Variants in SGCZ observed in about 807,000 individuals in gnomAD.
The protein encoded by SGCZ is sarcoglycan zeta.
In SGCZ, 40 loss-of-function variants were observed where a neutral mutation model predicts 41.3. That is an observed-to-expected ratio of 0.97 (90% CI 0.75 to 1.26). SGCZ has a LOEUF of 1.26. Among genes scored for constraint, SGCZ ranks in the 50% most tolerant of loss-of-function variants. The probability of loss-of-function intolerance (pLI) is 0.00; values close to 1 mark genes in which losing one functional copy is unlikely to be tolerated. For synonymous variants in SGCZ, 206 were observed against 137.5 expected (o/e 1.50, Z -3.49); for missense variants, 552 against 369.8 (o/e 1.49, Z -4.04).
chr8:14,734,108 A>T (rs2130250635), intron 1 of SGCZ, among the ~76,000 whole-genome samples: 1 of 152,330 alleles, frequency 6.6e-6, no homozygotes, highest in South Asian at 2.1e-4. Flanking sequence ...TGTTAAGATC[A>T]AGAAGTCAGA....
At chr8:15,164,237 TG>T (rs1460949604) in intron 1 of SGCZ, among the ~76,000 whole-genome samples, 1 of 152,156 alleles carries the variant, frequency 6.6e-6, no homozygotes, top group South Asian at 2.1e-4. Flanking sequence ...GTGAGTGAAA[TG>T]GGGACTCAAA....
chr8:14,656,828 A>G (rs1375589079), intron 1 of SGCZ, among the ~76,000 whole-genome samples: 1 of 151,958 alleles, frequency 6.6e-6, no homozygotes, highest in East Asian at 1.9e-4. Context: ...ATGGTACCAA[A>G]ATCAGCAAAG....
chr8:15,108,889 C>T (rs1188015439), intron 1 of SGCZ, among the ~76,000 whole-genome samples: 3 of 152,050 alleles, frequency 2.0e-5, no homozygotes, highest in Admixed American at 6.5e-5. Flanking sequence ...AGTTGTTACG[C>T]AGTGACAGAT....
At chr8:14,772,284 T>C (rs1800265688) in intron 1 of SGCZ, among the ~76,000 whole-genome samples, 1 of 152,308 alleles carries the variant, frequency 6.6e-6, no homozygotes, top group East Asian at 1.9e-4. Context: ...CAACTCATAA[T>C]GGGTTTATAG....
intron 2 of SGCZ, among the ~76,000 whole-genome samples, chr8:14,494,288 T>C (rs1174292518): frequency 6.6e-6 from 1 of 152,150 alleles, no homozygotes; most frequent in African/African-American, 2.4e-5. Context: ...GTGAAATTGC[T>C]TGTTACACAA....
At position 14,181,199 on chromosome 8, in the gene SGCZ, G is replaced by A. The variant is rs966400843; in HGVS notation, c.425-16497C>T. ...TTATGAGGGTCCCTACTAAATACCCGTGTTTTCAACCATAGGTGGTTATTC... is the reference window on the plus strand; with the variant it reads ...TTATGAGGGTCCCTACTAAATACCCATGTTTTCAACCATAGGTGGTTATTC... On this transcript the variant is annotated intron_variant, in intron 4 of 7. Coordinates refer to ENST00000382080, the MANE Select transcript of SGCZ (RefSeq NM_139167.4). Among the ~76,000 whole-genome samples the A allele has an allele frequency of 3.9e-5, 6 of 152,086 alleles. No individual in the cohort carries two copies. The South Asian group carries it at 6.2e-4, about 16-fold the overall frequency.
At chr8:14,950,924 A>C (rs1459595869) in intron 1 of SGCZ, among the ~76,000 whole-genome samples, 4 of 152,082 alleles carry the variant, frequency 2.6e-5, no homozygotes, top group Admixed American at 2.6e-4. Context: ...AAAATTAATG[A>C]ATACTCTAGG....
chr8:14,485,760 C>T (rs1039994273), intron 2 of SGCZ, among the ~76,000 whole-genome samples: 4 of 152,010 alleles, frequency 2.6e-5, no homozygotes, highest in East Asian at 1.9e-4. Flanking sequence ...GCAACACAGC[C>T]AGCACTTTCC....
chr8:15,043,800 C>A (rs962974093), intron 1 of SGCZ, among the ~76,000 whole-genome samples: 18 of 151,972 alleles, frequency 1.2e-4, no homozygotes, highest in African/African-American at 4.1e-4. Flanking sequence ...ATTTTCTAAA[C>A]GTTTTCCTAA....
intron 2 of SGCZ, among the ~76,000 whole-genome samples, chr8:14,401,843 G>A (rs1799085918): frequency 6.6e-6 from 1 of 150,724 alleles, no homozygotes; most frequent in South Asian, 2.1e-4. Flanking sequence ...TCTAGTTCTA[G>A]ATCCCTGAGG....
At chr8:15,020,809 T>A (rs1803221405) in intron 1 of SGCZ, among the ~76,000 whole-genome samples, 1 of 152,232 alleles carries the variant, frequency 6.6e-6, no homozygotes, top group South Asian at 2.1e-4. Context: ...TCCACACTTG[T>A]GTTCTTCTAT....
intron 4 of SGCZ, among the ~76,000 whole-genome samples, chr8:14,201,306 A>G (rs1805447367): frequency 6.6e-6 from 1 of 152,190 alleles, no homozygotes. Flanking sequence ...ATGTTCACAA[A>G]AAAAGCCTGT....
At chr8:14,495,896 G>A (rs1045589022) in intron 2 of SGCZ, among the ~76,000 whole-genome samples, 1 of 152,150 alleles carries the variant, frequency 6.6e-6, no homozygotes, top group African/African-American at 2.4e-5. Context: ...CAGCAGCTGA[G>A]TCCATCCCTA....
intron 2 of SGCZ, among the ~76,000 whole-genome samples, chr8:14,531,044 C>T (rs749732086): frequency 5.3e-5 from 8 of 151,962 alleles, no homozygotes; most frequent in Non-Finnish European, 7.4e-5. Context: ...CACCAAACTA[C>T]GAGCTCCAGA....
chr8:14,781,081 G>A (rs1028492960), intron 1 of SGCZ, among the ~76,000 whole-genome samples: 1 of 152,226 alleles, frequency 6.6e-6, no homozygotes, highest in East Asian at 1.9e-4. Flanking sequence ...CCTGAGGGAT[G>A]CAGTCAGCAT....
intron 1 of SGCZ, among the ~76,000 whole-genome samples, chr8:14,977,750 G>A (rs1017343538): frequency 1.3e-5 from 2 of 152,018 alleles, no homozygotes; most frequent in Non-Finnish European, 1.5e-5. Flanking sequence ...TATTGTCTCA[G>A]ACCTCTTAGG....
At chr8:14,854,125 C>G (rs1439052857) in intron 1 of SGCZ, among the ~76,000 whole-genome samples, 1 of 148,562 alleles carries the variant, frequency 6.7e-6, no homozygotes, top group Non-Finnish European at 1.5e-5. Flanking sequence ...CACAGAGTCA[C>G]AAAATGTAAA....
chr8:14,693,995 T>C (rs1186611171), intron 1 of SGCZ, among the ~76,000 whole-genome samples: 2 of 152,176 alleles, frequency 1.3e-5, no homozygotes, highest in South Asian at 4.1e-4. Context: ...TGGAGGTAAT[T>C]ACAATTCTAT....
At chr8:14,384,995 G>C (rs1440157847) in intron 2 of SGCZ, among the ~76,000 whole-genome samples, 3 of 152,156 alleles carry the variant, frequency 2.0e-5, no homozygotes, top group African/African-American at 7.2e-5. Context: ...TCTTGCTTGG[G>C]GAATGAAGAT....
Sources: gnomAD v4.1 joint callset for allele counts (sites outside exome capture counted in the v4.1 genomes callset) on GRCh38, gnomAD v4.1.1 for gene constraint, MANE v1.5 for transcripts, NCBI Gene and HGNC (gene_info 2026-07-23, HGNC 2026-07-21) for gene names.